NALCN: variants seen among roughly 807,000 people sequenced by gnomAD.
NALCN encodes the protein sodium leak channel NALCN.
A neutral mutation model predicts 225.3 loss-of-function variants in NALCN; 111 were observed. That is an observed-to-expected ratio of 0.49 (90% CI 0.42 to 0.58). The LOEUF (loss-of-function observed/expected upper bound fraction) is 0.58, where lower values mean the gene tolerates loss of function less well. Among genes scored for constraint, NALCN ranks in the 20% least tolerant of loss-of-function variants. NALCN has a pLI of 0.00. For synonymous variants in NALCN, 764 were observed against 769.0 expected (o/e 0.99, Z 0.11); for missense variants, 1,378 against 2,202.4 (o/e 0.63, Z 7.49).
intron 3 of NALCN, among the ~76,000 whole-genome samples, chr13:101,386,837 C>A (rs2047000637): frequency 6.7e-6 from 1 of 148,424 alleles, no homozygotes; most frequent in Non-Finnish European, 1.5e-5. Context: ...AAGAACTGTG[C>A]ATGACAGCTG....
rs661836 is a variant in NALCN at position 101,115,302 on chromosome 13, A to T, written c.2193-4076T>A. On this transcript the variant is annotated intron_variant, in intron 18 of 43. Coordinates refer to ENST00000251127, the MANE Select transcript of NALCN (RefSeq NM_052867.4). ...CTTCTTACGACTAAAAACTTCATAC[A>T]TCTTTCTCTATGTTGTATGTGAAAG... Among the ~76,000 whole-genome samples the T allele has an allele frequency of 2.6e-5, 4 of 152,246 alleles. No homozygotes were observed. The East Asian group carries it at 7.7e-4, about 29-fold the overall frequency.
At chr13:101,364,002 G>A (rs192821553) in intron 6 of NALCN, among the ~76,000 whole-genome samples, 10 of 152,164 alleles carry the variant, frequency 6.6e-5, no homozygotes, top group Admixed American at 5.9e-4. Context: ...CTAATCATCA[G>A]GGAAATGCAA....
chr13:101,142,805 G>T, intron 17 of NALCN: 1 of 415,934 alleles, frequency 2.4e-6, no homozygotes, highest in Non-Finnish European at 4.5e-6. Flanking sequence ...CCTTTATTCC[G>T]CACCTGAGAA....
chr13:101,093,671 T>C (rs1436077420), intron 28 of NALCN, among the ~76,000 whole-genome samples: 1 of 152,240 alleles, frequency 6.6e-6, no homozygotes, highest in African/African-American at 2.4e-5. Flanking sequence ...GGTTGAGTGC[T>C]ATAGGGCACA....
intron 9 of NALCN, 38 bp downstream of exon 9, chr13:101,291,952 C>T: frequency 6.2e-7 from 1 of 1,601,016 alleles, no homozygotes; most frequent in Non-Finnish European, 8.6e-7. Flanking sequence ...CATGTGCATG[C>T]TCGAATGGGT....
At position 101,203,011 on chromosome 13, in the gene NALCN, G is replaced by A. The variant is rs748580903; in HGVS notation, c.1627-10957C>T. 6.6e-5 allele frequency among the ~76,000 whole-genome samples: 10 copies of A among 152,258 alleles called. No homozygotes were observed. The South Asian group carries it at 1.7e-3, about 25-fold the overall frequency. ...ACGGCTTTGGGAAAAACATTCAGCC[G>A]TCCTGAGACCAGCCTTTCTCAAATA... is the stretch of plus-strand genomic sequence containing the variant. On this transcript the variant is annotated intron_variant, in intron 13 of 43. Transcript: ENST00000251127.
At chr13:101,208,827 C>A (rs1052456306) in intron 13 of NALCN, among the ~76,000 whole-genome samples, 1 of 152,188 alleles carries the variant, frequency 6.6e-6, no homozygotes, top group Admixed American at 6.5e-5. Flanking sequence ...CACCTTCTGC[C>A]ATGACTGGAA....
intron 17 of NALCN, among the ~76,000 whole-genome samples, chr13:101,133,314 T>G (rs2036605719): frequency 6.6e-6 from 1 of 152,204 alleles, no homozygotes; most frequent in African/African-American, 2.4e-5. Flanking sequence ...TGTTTCTAAC[T>G]GGGAAAAAGT....
intron 14 of NALCN, among the ~76,000 whole-genome samples, chr13:101,182,573 A>G: frequency 6.6e-6 from 1 of 152,216 alleles, no homozygotes; most frequent in East Asian, 1.9e-4. Flanking sequence ...AACTTACAAA[A>G]CAGAAACTGG....
chr13:101,231,949 C>T (rs1271817557), intron 12 of NALCN, among the ~76,000 whole-genome samples: 3 of 151,822 alleles, frequency 2.0e-5, no homozygotes, highest in Non-Finnish European at 4.4e-5. Flanking sequence ...TCATCTGAGT[C>T]ATCCTCAGGG....
At chr13:101,366,536 T>A (rs2046380407) in intron 6 of NALCN, among the ~76,000 whole-genome samples, 1 of 152,152 alleles carries the variant, frequency 6.6e-6, no homozygotes, top group Non-Finnish European at 1.5e-5. Flanking sequence ...TTAAGAGAAA[T>A]GAGGTCACGG....
intron 34 of NALCN, among the ~76,000 whole-genome samples, chr13:101,078,430 G>C (rs1467129844): frequency 6.6e-6 from 1 of 152,212 alleles, no homozygotes; most frequent in Non-Finnish European, 1.5e-5. Flanking sequence ...AAGGCCATGG[G>C]AGCCCACCTC....
chr13:101,417,022 A>C (rs1005237654), upstream of NALCN, among the ~76,000 whole-genome samples: 5 of 152,062 alleles, frequency 3.3e-5, no homozygotes, highest in Admixed American at 3.3e-4. Flanking sequence ...AAATAGGTTG[A>C]CGTTCGCCTT....
chr13:101,292,719 C>T lies in NALCN; in HGVS notation c.800-353G>A, dbSNP rs145014864. On this transcript the variant is annotated intron_variant, in intron 7 of 43. Coordinates refer to ENST00000251127, the MANE Select transcript of NALCN (RefSeq NM_052867.4). The surrounding 1 kb of genome is among the most constrained non-coding windows in gnomAD (Gnocchi z 4.3). Reference sequence around the variant, plus strand: ...TACCATTTAAGCTTGCCACTTGGAGCCTAACACATTCAATAAGCTGAAAAG... The same window carrying T: ...TACCATTTAAGCTTGCCACTTGGAGTCTAACACATTCAATAAGCTGAAAAG... Among the ~76,000 whole-genome samples the T allele has an allele frequency of 6.6e-6, 1 of 152,030 alleles. No homozygotes were observed. The highest frequency in any genetic ancestry group is 1.5e-5 in the Non-Finnish European group (1 of 68,008).
chr13:101,373,980 A>G (rs1399197318), intron 6 of NALCN, among the ~76,000 whole-genome samples: 11 of 152,184 alleles, frequency 7.2e-5, no homozygotes, highest in Non-Finnish European at 1.5e-4. Context: ...AAGTAGAGAC[A>G]TAATTTCAAT....
intron 7 of NALCN, among the ~76,000 whole-genome samples, chr13:101,300,919 TG>T (rs2043942839): frequency 6.6e-6 from 1 of 152,272 alleles, no homozygotes; most frequent in Admixed American, 6.5e-5. Context: ...TTTCTTTGTT[TG>T]TTTTTTACAC....
chr13:101,291,945 G>T, intron 9 of NALCN, 45 bp downstream of exon 9: 1 of 1,581,046 alleles, frequency 6.3e-7, no homozygotes, highest in African/African-American at 1.3e-5. Context: ...GGTGAGACAT[G>T]TGCATGCTCG....
intron 7 of NALCN, among the ~76,000 whole-genome samples, chr13:101,297,758 G>A (rs2043809412): frequency 6.6e-6 from 1 of 152,276 alleles, no homozygotes; most frequent in Non-Finnish European, 1.5e-5. Flanking sequence ...CTGATCTACT[G>A]TTTATGAAAT....
intron 34 of NALCN, 22 bp from the exon 35 acceptor site, chr13:101,075,963 G>A: frequency 6.3e-7 from 1 of 1,599,796 alleles, no homozygotes; most frequent in South Asian, 1.1e-5. Flanking sequence ...ACAGAAGACA[G>A]CTTCTCATAA....
Sources: gnomAD v4.1 joint callset for allele counts (sites outside exome capture counted in the v4.1 genomes callset) on GRCh38, gnomAD v4.1.1 for gene constraint, Gnocchi (gnomAD v3.1) non-coding constraint, MANE v1.5 for transcripts, NCBI Gene and HGNC (gene_info 2026-07-23, HGNC 2026-07-21) for gene names.